The following RGS5 variants were observed in gnomAD, a reference collection of about 807,000 sequenced individuals.
RGS5 encodes the protein regulator of G-protein signalling 5.
RGS5 carries 20 observed loss-of-function variants against 18.9 expected under a neutral mutation model. The ratio of observed to expected loss-of-function variants is 1.06; its 90% CI spans 0.74 to 1.54. The LOEUF (loss-of-function observed/expected upper bound fraction) is 1.54. RGS5 is among the 40% of genes most tolerant of loss of function. The pLI is 0.00. For missense variants in RGS5, 201 were observed against 211.8 expected (o/e 0.95, Z 0.32); for synonymous variants, 57 against 76.2 (o/e 0.75, Z 1.31).
At chr1:163,176,344 G>A (rs1011280841) in intron 1 of RGS5, among the ~76,000 whole-genome samples, 3 of 152,122 alleles carry the variant, frequency 2.0e-5, no homozygotes, top group South Asian at 2.1e-4. Context: ...TGTGCAGGCC[G>A]GGTGCAGTGG....
intron 2 of RGS5, among the ~76,000 whole-genome samples, chr1:163,241,439 G>C (rs192481818): frequency 2.0e-3 from 311 of 152,260 alleles, no homozygotes; most frequent in Middle Eastern, 6.8e-3. Context: ...TCTCTCTCTA[G>C]AAGGGCCTCC....
upstream of RGS5, chr1:163,206,822 A>G (rs751418167): frequency 6.6e-6 from 1 of 152,206 alleles, no homozygotes; most frequent in Non-Finnish European, 1.5e-5. Flanking sequence ...TCTTTTGTTT[A>G]TAAAGCACCC....
intron 2 of RGS5, among the ~76,000 whole-genome samples, chr1:163,294,954 A>G (rs182233798): frequency 3.2e-4 from 49 of 152,334 alleles, no homozygotes; most frequent in African/African-American, 1.1e-3. Flanking sequence ...AAAGCATAGC[A>G]AGAGTCACCT....
chr1:163,259,969 A>G (rs1648386652), intron 2 of RGS5: 1 of 152,316 alleles, frequency 6.6e-6, no homozygotes, highest in African/African-American at 2.4e-5. Flanking sequence ...AGAGGGCCAC[A>G]TGCAAATTCC....
At position 163,304,407 on chromosome 1, in the gene RGS5, C is replaced by A. The variant is rs1649641995; in HGVS notation, c.-281+1826G>T. On this transcript the variant is annotated intron_variant, in intron 2 of 5. Coordinates refer to the RGS5 transcript ENST00000618415. ...CTTATCTGCTCACCAGGTGGGAAAA[C>A]AGCTCGAGAAACTAATCTGAGCAAA... 3 of 152,204 alleles carry A rather than the reference C, an allele frequency of 2.0e-5. No individual in the cohort carries two copies. In the South Asian group the frequency reaches 6.2e-4, roughly 31 times the overall value. The allele number at this position is 152,204 out of a possible 1,614,324, so 9.4% of individuals were successfully genotyped here.
intron 3 of RGS5, among the ~76,000 whole-genome samples, chr1:163,153,285 C>A (rs1657450977): frequency 1.3e-5 from 2 of 151,946 alleles, no homozygotes; most frequent in Non-Finnish European, 2.9e-5. Flanking sequence ...CCTAATGGAG[C>A]TTATAGATTC....
At chr1:163,180,194 T>C (rs2102414396) in intron 1 of RGS5, among the ~76,000 whole-genome samples, 1 of 152,284 alleles carries the variant, frequency 6.6e-6, no homozygotes, top group East Asian at 1.9e-4. Context: ...CAGTCTGGTC[T>C]CAAATGCCTG....
chr1:163,152,021 T>G (rs931546867), intron 4 of RGS5, among the ~76,000 whole-genome samples: 3 of 152,184 alleles, frequency 2.0e-5, no homozygotes, highest in Non-Finnish European at 4.4e-5. Flanking sequence ...TTAATAATTT[T>G]GGGCATGAAA....
chr1:163,301,390 T>G lies in RGS5; in HGVS notation c.-281+4843A>C, dbSNP rs866691314. Among the ~76,000 whole-genome samples, 7 of 152,080 alleles carry G rather than the reference T, an allele frequency of 4.6e-5. No individual in the cohort carries two copies. The South Asian group carries it at 1.0e-3, about 23-fold the overall frequency. ...CTCAGTCACTGAGGCTGGAGTGCAG[T>G]GGCACCATCTTAGCTCACTGCAGCC... is the stretch of plus-strand genomic sequence containing the variant. On this transcript the variant is annotated intron_variant, in intron 2 of 5. Transcript: ENST00000618415.
intron 3 of RGS5, among the ~76,000 whole-genome samples, chr1:163,159,303 G>A (rs558540221): frequency 1.2e-4 from 19 of 152,262 alleles, no homozygotes; most frequent in African/African-American, 4.3e-4. Flanking sequence ...AGGAAGAAAG[G>A]GTATTGATTG....
intron 1 of RGS5, among the ~76,000 whole-genome samples, chr1:163,216,085 C>T (rs1002457814): frequency 1.3e-5 from 2 of 152,054 alleles, no homozygotes; most frequent in Non-Finnish European, 2.9e-5. Flanking sequence ...GGGTTTCTTG[C>T]CAAATAAGGT....
chr1:163,280,173 T>C (rs12756998), intron 2 of RGS5, among the ~76,000 whole-genome samples: 22,218 of 149,096 alleles, frequency 0.15, 1,946 homozygotes, highest in Non-Finnish European at 0.19. Context: ...GCCAGCATTA[T>C]CCTAATACCA....
At chr1:163,190,372 T>A (rs114181078) in intron 1 of RGS5, among the ~76,000 whole-genome samples, 46 of 152,260 alleles carry the variant, frequency 3.0e-4, no homozygotes, top group African/African-American at 1.1e-3. Flanking sequence ...CATAAAATAA[T>A]CTTGAAACCT....
intron 2 of RGS5, among the ~76,000 whole-genome samples, chr1:163,229,645 C>T (rs1647426139): frequency 6.6e-6 from 1 of 152,240 alleles, no homozygotes; most frequent in South Asian, 2.1e-4. Flanking sequence ...AGGGCATTTG[C>T]CCTTGCAGTT....
chr1:163,181,358 C>G (rs562839693), intron 1 of RGS5, among the ~76,000 whole-genome samples: 80 of 152,262 alleles, frequency 5.3e-4, no homozygotes, highest in African/African-American at 1.9e-3. Flanking sequence ...AGGATCAGAA[C>G]AAGTCTCACT....
chr1:163,205,751 T>C (rs1659940589), upstream of RGS5, among the ~76,000 whole-genome samples: 1 of 152,236 alleles, frequency 6.6e-6, no homozygotes, highest in Non-Finnish European at 1.5e-5. Context: ...ACATTGAACA[T>C]TTTCATCAGA....
intron 2 of RGS5, among the ~76,000 whole-genome samples, chr1:163,263,212 C>T (rs111561479): frequency 1.1e-3 from 172 of 152,274 alleles, no homozygotes; most frequent in African/African-American, 3.7e-3. Context: ...CATCTATGGG[C>T]CCACTCTATC....
intron 2 of RGS5, among the ~76,000 whole-genome samples, chr1:163,268,890 T>A (rs1648641569): frequency 6.6e-6 from 1 of 152,160 alleles, no homozygotes; most frequent in African/African-American, 2.4e-5. Flanking sequence ...CTCATGACAA[T>A]CATTTCCATG....
At chr1:163,257,566 T>G (rs1648306665) in intron 2 of RGS5, among the ~76,000 whole-genome samples, 1 of 152,164 alleles carries the variant, frequency 6.6e-6, no homozygotes, top group Non-Finnish European at 1.5e-5. Context: ...TTGTTTTATG[T>G]TCTCTTTTGT....
Sources: allele counts gnomAD v4.1 joint callset (sites outside exome capture counted in the v4.1 genomes callset), GRCh38; gene constraint gnomAD v4.1.1; transcripts MANE v1.5; gene names NCBI Gene and HGNC (gene_info 2026-07-23, HGNC 2026-07-21).